The following PANK1 variants were observed in gnomAD, a reference collection of about 807,000 sequenced individuals.
The protein encoded by PANK1 is pantothenate kinase 1, also known as pantothenic acid kinase 1.
In PANK1, 18 loss-of-function variants were observed where a neutral mutation model predicts 40.1. The ratio of observed to expected loss-of-function variants is 0.45; its 90% confidence interval spans 0.31 to 0.67. The LOEUF (loss-of-function observed/expected upper bound fraction) is 0.67. Ranked by LOEUF, PANK1 falls within the 30% of genes least tolerant of loss-of-function variation. The pLI is 0.06. For synonymous variants in PANK1, 242 were observed against 237.7 expected, an observed-to-expected ratio of 1.02 and a Z score of -0.17; for missense variants, 457 against 599.6, an observed-to-expected ratio of 0.76 and a Z score of 2.48.
chr10:89,581,663 C>T (rs1844054164), downstream of PANK1: 1 of 152,348 alleles, frequency 6.6e-6, no homozygotes, highest in Non-Finnish European at 1.5e-5. Context: ...ATCCGCCTGC[C>T]TCGGCCTCCC....
At chr10:89,597,074 C>A (rs1265092657) in intron 3 of PANK1, among the ~76,000 whole-genome samples, 1 of 152,038 alleles carries the variant, frequency 6.6e-6, no homozygotes, top group East Asian at 1.9e-4. Flanking sequence ...TAAAAATAAA[C>A]ATCTTTAATG....
chr10:89,634,999 C>T lies in PANK1; in HGVS notation c.292+9601G>A, dbSNP rs535783503. Reference sequence around the variant, plus strand: ...GGGGAATACTCTGAAATCCAATCTCCGAAAGATTCCCAGTCAGGGCAAGAT... The same window carrying T: ...GGGGAATACTCTGAAATCCAATCTCTGAAAGATTCCCAGTCAGGGCAAGAT... On this transcript the variant is annotated intron_variant, in intron 1 of 6. Coordinates refer to ENST00000307534, the MANE Select transcript of PANK1 (RefSeq NM_148977.3). Among the ~76,000 whole-genome samples the T allele has an allele frequency of 1.6e-3, 237 of 152,150 alleles. 1 individual carries two copies. The highest frequency in any genetic ancestry group is 4.7e-3 in the African/African-American group (195 of 41,494).
At chr10:89,602,281 C>T (rs1226484733) in intron 2 of PANK1, among the ~76,000 whole-genome samples, 2 of 152,210 alleles carry the variant, frequency 1.3e-5, no homozygotes, top group African/African-American at 4.8e-5. Context: ...ATTATTTCAC[C>T]TTTTCCCTAA....
chr10:89,639,923 T>C (rs537350618), intron 1 of PANK1, among the ~76,000 whole-genome samples: 3 of 152,324 alleles, frequency 2.0e-5, no homozygotes, highest in East Asian at 1.9e-4. Flanking sequence ...TTGCCAAAGG[T>C]GTACAGATTA....
chr10:89,619,063 CACAG>C (rs1845404895), intron 1 of PANK1, among the ~76,000 whole-genome samples: 2 of 152,194 alleles, frequency 1.3e-5, no homozygotes, highest in South Asian at 4.1e-4. Context: ...CTGTCATGAT[CACAG>C]ACAAACATGT....
intron 1 of PANK1, among the ~76,000 whole-genome samples, chr10:89,620,155 CA>C (rs1186377586): frequency 1.3e-5 from 2 of 152,166 alleles, no homozygotes; most frequent in African/African-American, 4.8e-5. Context: ...GTTAACTGCA[CA>C]AATTGTTTAT....
chr10:89,638,994 C>T (rs558285495), intron 1 of PANK1, among the ~76,000 whole-genome samples: 1 of 152,348 alleles, frequency 6.6e-6, no homozygotes, highest in South Asian at 2.1e-4. Flanking sequence ...CTACCTGTTA[C>T]CCAGTTCCAA....
chr10:89,636,344 T>TAA (rs1564638626), intron 1 of PANK1, among the ~76,000 whole-genome samples: 1 of 149,796 alleles, frequency 6.7e-6, no homozygotes, highest in Non-Finnish European at 1.5e-5. Flanking sequence ...ATTATTATTT[T>TAA]TAATTTTTAT....
intron 1 of PANK1, among the ~76,000 whole-genome samples, chr10:89,620,902 A>G (rs4503438): frequency 0.55 from 83,625 of 152,062 alleles, 23,733 homozygotes; most frequent in South Asian, 0.64. Context: ...AAGAACTTAC[A>G]TTGAAATATT....
Position 89,638,147 on chromosome 10 carries a change from T to C in PANK1, c.292+6453A>G, listed in dbSNP as rs180780508. On this transcript the variant is annotated intron_variant, in intron 1 of 6. Transcript: ENST00000307534. Reference sequence around the variant, plus strand: ...TTATACCATCATCATCAAAAACAGATGAGCAACACATTGAGTTATGATGTT... The same window carrying C: ...TTATACCATCATCATCAAAAACAGACGAGCAACACATTGAGTTATGATGTT... Among the ~76,000 whole-genome samples, 247 of 152,344 alleles carry C rather than the reference T, an allele frequency of 1.6e-3. 1 individual carries two copies. Among genetic ancestry groups the C allele is most frequent in the South Asian group, 7.0e-3 (34 of 4,830 alleles).
intron 1 of PANK1, 152 bp downstream of exon 1, chr10:89,644,448 A>T (rs530292971): frequency 1.6e-6 from 1 of 631,406 alleles, no homozygotes; most frequent in East Asian, 3.2e-5. Context: ...TAGGAAAAGA[A>T]TCAGTCCCGG....
chr10:89,624,022 A>T (rs1214853380), intron 1 of PANK1, among the ~76,000 whole-genome samples: 1 of 152,250 alleles, frequency 6.6e-6, no homozygotes, highest in African/African-American at 2.4e-5. Flanking sequence ...GTGTGACAAT[A>T]ATCTTTCTTC....
At chr10:89,627,674 G>A (rs1047514785) in intron 1 of PANK1, among the ~76,000 whole-genome samples, 2 of 152,196 alleles carry the variant, frequency 1.3e-5, no homozygotes, top group Non-Finnish European at 2.9e-5. Flanking sequence ...AAACTCTGCT[G>A]TGAGTGAAAT....
At chr10:89,618,282 C>T (rs1589797745) in intron 1 of PANK1, among the ~76,000 whole-genome samples, 1 of 152,170 alleles carries the variant, frequency 6.6e-6, no homozygotes, top group South Asian at 2.1e-4. Flanking sequence ...TTAAGTTTTC[C>T]AATCTTTGTT....
chr10:89,609,118 G>A (rs1206784215), intron 2 of PANK1, among the ~76,000 whole-genome samples: 3 of 152,206 alleles, frequency 2.0e-5, no homozygotes, highest in Non-Finnish European at 4.4e-5. Flanking sequence ...AGGCTGGAGT[G>A]CAATGGCACG....
intron 1 of PANK1, among the ~76,000 whole-genome samples, chr10:89,640,663 T>C (rs1380898747): frequency 6.6e-6 from 1 of 152,184 alleles, no homozygotes; most frequent in Non-Finnish European, 1.5e-5. Context: ...TTCATGATAA[T>C]TGGCTCATAC....
At chr10:89,584,637 A>G (rs1844139219) in intron 6 of PANK1, among the ~76,000 whole-genome samples, 172 bp from the exon 7 acceptor site, 1 of 152,248 alleles carries the variant, frequency 6.6e-6, no homozygotes, top group African/African-American at 2.4e-5. Flanking sequence ...ACCTACTTAT[A>G]TATATTAAAT....
intron 1 of PANK1, among the ~76,000 whole-genome samples, chr10:89,615,556 G>A (rs534194286): frequency 1.9e-4 from 29 of 152,230 alleles, no homozygotes; most frequent in Non-Finnish European, 3.4e-4. Context: ...CATTAGTTTG[G>A]GTTAAGGTAG....
intron 5 of PANK1, among the ~76,000 whole-genome samples, chr10:89,590,485 A>G (rs1168613260): frequency 6.6e-6 from 1 of 152,138 alleles, no homozygotes; most frequent in East Asian, 1.9e-4. Context: ...TATGGAGGGA[A>G]CTTTATATCT....
Sources: gnomAD v4.1 joint callset for allele counts (sites outside exome capture counted in the v4.1 genomes callset) on GRCh38, gnomAD v4.1.1 for gene constraint, MANE v1.5 for transcripts, NCBI Gene and HGNC (gene_info 2026-07-23, HGNC 2026-07-21) for gene names.